Variants in GRM5 observed in about 807,000 individuals in gnomAD.
GRM5 encodes the protein glutamate metabotropic receptor 5, also known as metabotropic glutamate receptor 5.
Under a neutral mutation model 83.1 loss-of-function variants are expected in GRM5, and 19 were observed. That is an observed-to-expected ratio of 0.23 (90% CI 0.16 to 0.34). GRM5 has a LOEUF of 0.34. GRM5 is among the 10% of genes least tolerant of loss of function. GRM5 has a pLI of 1.00. For synonymous variants in GRM5, 675 were observed against 633.6 expected (o/e 1.07, Z -0.98); for missense variants, 1,160 against 1,588.3 (o/e 0.73, Z 4.58).
In GRM5 at chr11:88,743,827, A is replaced by C. The variant is rs551718770; in HGVS notation, c.912-90424T>G. Among the ~76,000 whole-genome samples, 51 of 152,286 alleles carry C rather than the reference A, an allele frequency of 3.3e-4. 1 individual carries two copies. The highest frequency in any genetic ancestry group is 1.2e-3 in the African/African-American group (51 of 41,582). ...TATTGTAGCCCCATAAGCAGCAGATACTTCTAATTAGCTCTAGATGATTGA... is the reference window on the plus strand; with the variant it reads ...TATTGTAGCCCCATAAGCAGCAGATCCTTCTAATTAGCTCTAGATGATTGA... On this transcript the variant is annotated intron_variant, in intron 3 of 9. Transcript: ENST00000305447.
intron 8 of GRM5, among the ~76,000 whole-genome samples, chr11:88,525,692 T>C (rs1941856536): frequency 1.3e-5 from 2 of 152,214 alleles, no homozygotes; most frequent in African/African-American, 4.8e-5. Flanking sequence ...GGTAAAGGTG[T>C]GCAATTTCTA....
At chr11:88,880,438 G>A (rs1944933247) in intron 2 of GRM5, among the ~76,000 whole-genome samples, 1 of 152,054 alleles carries the variant, frequency 6.6e-6, no homozygotes, top group Non-Finnish European at 1.5e-5. Context: ...GCTCTTTTGT[G>A]AATAGGACCC....
chr11:88,714,485 A>T (rs140292873), intron 3 of GRM5, among the ~76,000 whole-genome samples: 1 of 152,140 alleles, frequency 6.6e-6, no homozygotes, highest in Admixed American at 6.6e-5. Context: ...ATTGTTAAAA[A>T]AGTGATGGAA....
rs1045125575 is a variant in GRM5, at chr11:88,679,234, G to T, written c.912-25831C>A. ...CATGGCAATGGAGATGGGAAAGAGTGAGGACATTTAAGAAATACTGAGGAA... is the reference window on the plus strand; with the variant it reads ...CATGGCAATGGAGATGGGAAAGAGTTAGGACATTTAAGAAATACTGAGGAA... On this transcript the variant is annotated intron_variant, in intron 3 of 9. Transcript: ENST00000305447. Among the ~76,000 whole-genome samples, 36 of 152,222 alleles carry T rather than the reference G, an allele frequency of 2.4e-4. No individual in the cohort carries two copies. The East Asian group carries it at 5.6e-3, about 24-fold the overall frequency.
At position 88,769,563 on chromosome 11, in the gene GRM5, G is replaced by T. The variant is rs1028378224; in HGVS notation, c.911+80343C>A. On this transcript the variant is annotated intron_variant, in intron 3 of 9. Transcript: ENST00000305447. ...CCTGGAGCATGTTGTGGTTCCATTG[G>T]GTAAGGAAGCCCTCACAAAGCAACA... 6.6e-5 allele frequency among the ~76,000 whole-genome samples: 10 copies of T among 151,968 alleles called. No homozygotes were observed. The East Asian group carries it at 1.9e-3, about 29-fold the overall frequency.
chr11:88,788,731 T>C (rs1943118150), intron 3 of GRM5, among the ~76,000 whole-genome samples: 1 of 152,154 alleles, frequency 6.6e-6, no homozygotes, highest in Non-Finnish European at 1.5e-5. Context: ...AAAGAAACTA[T>C]GCTGTTTTCA....
intron 2 of GRM5, among the ~76,000 whole-genome samples, chr11:88,938,976 C>A (rs1399643082): frequency 6.6e-6 from 1 of 151,814 alleles, no homozygotes; most frequent in South Asian, 2.1e-4. Context: ...GTTTTCTGCA[C>A]TACTGATATT....
chr11:88,677,674 A>T (rs1000169108), intron 3 of GRM5, among the ~76,000 whole-genome samples: 4 of 152,132 alleles, frequency 2.6e-5, no homozygotes, highest in African/African-American at 9.7e-5. Flanking sequence ...ACCAATCTAC[A>T]ATGAATTTTC....
At chr11:88,561,889 G>T (rs1428236890) in intron 8 of GRM5, among the ~76,000 whole-genome samples, 1 of 152,022 alleles carries the variant, frequency 6.6e-6, no homozygotes, top group Non-Finnish European at 1.5e-5. Context: ...AAAATTGTTG[G>T]ATCTGTTAGA....
chr11:88,654,544 G>A (rs1242915025), intron 3 of GRM5, among the ~76,000 whole-genome samples: 2 of 152,040 alleles, frequency 1.3e-5, no homozygotes, highest in African/African-American at 2.4e-5. Context: ...AAAGAGAGAA[G>A]AGAAGGAATA....
chr11:88,620,784 C>G (rs1254512667), intron 4 of GRM5, among the ~76,000 whole-genome samples: 1 of 152,172 alleles, frequency 6.6e-6, no homozygotes, highest in African/African-American at 2.4e-5. Flanking sequence ...AGAGCTGTAT[C>G]CACATGCCTG....
At position 88,639,492 on chromosome 11, in the gene GRM5, G is replaced by A. The variant is rs530776074; in HGVS notation, c.1147+13676C>T. ...GGTTTTGCTGCTGTTGTTATTTCAA[G>A]CAGGAGAGTAAATTCCATTTTTATT... On this transcript the variant is annotated intron_variant, in intron 4 of 9. Transcript: ENST00000305447. Among the ~76,000 whole-genome samples the A allele has an allele frequency of 4.6e-5, 7 of 152,136 alleles. No individual in the cohort carries two copies. In the East Asian group the frequency reaches 9.6e-4, roughly 21 times the overall value.
At chr11:88,931,910 A>G (rs946107768) in intron 2 of GRM5, among the ~76,000 whole-genome samples, 4 of 152,138 alleles carry the variant, frequency 2.6e-5, no homozygotes, top group African/African-American at 9.6e-5. Context: ...AACACACTGC[A>G]TGGTTCATCA....
intron 2 of GRM5, among the ~76,000 whole-genome samples, chr11:88,903,264 GTTA>G (rs928024888): frequency 6.6e-6 from 1 of 152,012 alleles, no homozygotes; most frequent in African/African-American, 2.4e-5. Context: ...GAGGGAGAAT[GTTA>G]GGAGAAGAGG....
intron 8 of GRM5, among the ~76,000 whole-genome samples, chr11:88,541,526 C>T (rs891854362): frequency 6.6e-6 from 1 of 152,150 alleles, no homozygotes; most frequent in Non-Finnish European, 1.5e-5. Context: ...CATAGCTCTT[C>T]AGATTTGTCT....
chr11:88,820,722 G>A (rs1257651331), intron 3 of GRM5, among the ~76,000 whole-genome samples: 2 of 152,120 alleles, frequency 1.3e-5, no homozygotes, highest in Non-Finnish European at 2.9e-5. Context: ...AACTCCAAAT[G>A]TTACCTCTCT....
chr11:88,636,532 A>G (rs76013186), intron 4 of GRM5, among the ~76,000 whole-genome samples: 1,650 of 152,304 alleles, frequency 0.011, 9 homozygotes, highest in Non-Finnish European at 0.016. Flanking sequence ...TCAAAAAAAA[A>G]AAGAGTTTCT....
chr11:88,560,896 G>A (rs1474140072), intron 8 of GRM5, among the ~76,000 whole-genome samples: 3 of 152,178 alleles, frequency 2.0e-5, no homozygotes, highest in Non-Finnish European at 4.4e-5. Context: ...TGAAGAAAGG[G>A]AGAGTGATAT....
rs77847158 is a variant in GRM5 at position 88,938,800 on chromosome 11, T to C, written c.662-88645A>G. On this transcript the variant is annotated intron_variant, in intron 2 of 9. Coordinates refer to ENST00000305447, the MANE Select transcript of GRM5 (RefSeq NM_001143831.3). ...AAATTGGATTATGTTTTTACATCTATATATCAGCACCAAATTTAGAAAAGC... is the reference window on the plus strand; with the variant it reads ...AAATTGGATTATGTTTTTACATCTACATATCAGCACCAAATTTAGAAAAGC... Among the ~76,000 whole-genome samples the C allele has an allele frequency of 7.4e-3, 1,125 of 151,864 alleles. 28 individuals carry two copies. Among genetic ancestry groups the C allele is most frequent in the East Asian group, 0.072 (373 of 5,158 alleles).
Sources: gnomAD v4.1 joint callset for allele counts (sites outside exome capture counted in the v4.1 genomes callset) on GRCh38, gnomAD v4.1.1 for gene constraint, MANE v1.5 for transcripts, NCBI Gene and HGNC (gene_info 2026-07-23, HGNC 2026-07-21) for gene names.